Variants in ASMT observed in about 807,000 individuals in gnomAD.
The protein encoded by ASMT is acetylserotonin N-methyltransferase.
A neutral mutation model predicts 41.3 loss-of-function variants in ASMT; 53 were observed. The ratio of observed to expected loss-of-function variants is 1.28; its 90% CI spans 1.03 to 1.61. The LOEUF (loss-of-function observed/expected upper bound fraction) is 1.61. Among genes scored for constraint, ASMT ranks in the 40% most tolerant of loss-of-function variants. The pLI is 0.00. For synonymous variants in ASMT, 231 were observed against 184.8 expected (o/e 1.25, Z -2.03); for missense variants, 531 against 441.3 (o/e 1.20, Z -1.82).
chrX:1,643,029 C>G lies in ASMT; in HGVS notation c.*15C>G. 6.2e-7 allele frequency: 1 copy of G among 1,612,504 alleles called. No individual in the cohort carries two copies. Among genetic ancestry groups the G allele is most frequent in the Non-Finnish European group, 8.5e-7 (1 of 1,178,566 alleles). On this transcript the variant is annotated 3_prime_UTR_variant, in exon 9 of 9. Transcript: ENST00000381241. The stretch of plus-strand genomic sequence containing the variant: ...CCAGGAAATAACTGTTTCTTGTGAC[C>G]TGGAACTAACGTCAAAGCACACAAG...
At chrX:1,642,188 G>C (rs1188114975) in intron 8 of ASMT, among the ~76,000 whole-genome samples, 1 of 144,958 alleles carries the variant, frequency 6.9e-6, no homozygotes, top group Non-Finnish European at 1.5e-5. Flanking sequence ...CTCTCTGTGT[G>C]TGATAAGGAC....
intron 1 of ASMT, among the ~76,000 whole-genome samples, chrX:1,615,543 C>T (rs1416719963): frequency 6.6e-6 from 1 of 152,088 alleles, no homozygotes; most frequent in Non-Finnish European, 1.5e-5. Context: ...TGGCTCACAC[C>T]TGTGATCCCA....
At position 1,621,569 on chromosome X, in the gene ASMT, C is replaced by T. The variant is rs147561633; in HGVS notation, c.70-1570C>T. Among the ~76,000 whole-genome samples the T allele has an allele frequency of 7.9e-3, 1,204 of 152,252 alleles. 21 individuals carry two copies. The highest frequency in any genetic ancestry group is 0.027 in the African/African-American group (1,126 of 41,550). On this transcript the variant is annotated intron_variant, in intron 1 of 8. Coordinates refer to ENST00000381241, the MANE Select transcript of ASMT (RefSeq NM_001171038.2). ...CTGACCTCAGGTGATCCGCCCACCT[C>T]GGCCTCCCAGAATGTTGGGATTACA... is the stretch of plus-strand genomic sequence containing the variant.
At chrX:1,627,649 GAAATGA>G in intron 3 of ASMT, 48 bp from the exon 4 acceptor site, 3 of 1,235,738 alleles carry the variant, frequency 2.4e-6, no homozygotes, top group Non-Finnish European at 3.4e-6. Flanking sequence ...GAAATGAAAT[GAAATGA>G]AATGAAATGA....
At chrX:1,616,509 G>A (rs1374190479) in intron 1 of ASMT, among the ~76,000 whole-genome samples, 1 of 151,206 alleles carries the variant, frequency 6.6e-6, no homozygotes, top group Non-Finnish European at 1.5e-5. Flanking sequence ...AAATGTTCTG[G>A]AACCCGGCGG....
chrX:1,624,200 TG>T, intron 2 of ASMT, 68 bp from the exon 3 acceptor site: 1 of 1,597,878 alleles, frequency 6.3e-7, no homozygotes, highest in Non-Finnish European at 8.6e-7. Context: ...GTTGTCGAGC[TG>T]GGGAGCGTCC....
intron 5 of ASMT, among the ~76,000 whole-genome samples, chrX:1,631,686 G>A (rs1175550240): frequency 3.3e-4 from 50 of 152,164 alleles, no homozygotes; most frequent in African/African-American, 1.1e-3. Flanking sequence ...AGGCCGAGGC[G>A]GGTGGATCTC....
intron 8 of ASMT, among the ~76,000 whole-genome samples, chrX:1,641,448 G>C (rs1359824422): frequency 7.0e-6 from 1 of 143,566 alleles, no homozygotes; most frequent in African/African-American, 2.5e-5. Context: ...TGTGTGTGAT[G>C]GGGACAGTGT....
intron 5 of ASMT, among the ~76,000 whole-genome samples, chrX:1,631,591 C>T (rs1225283608): frequency 1.3e-5 from 2 of 152,076 alleles, no homozygotes; most frequent in Non-Finnish European, 2.9e-5. Context: ...TCAGGATCCC[C>T]CTGCCTGGGG....
intron 8 of ASMT, chrX:1,636,762 A>C: frequency 6.3e-6 from 2 of 315,034 alleles, no homozygotes; most frequent in Non-Finnish European, 9.2e-6. Flanking sequence ...AAAGATGGAA[A>C]AAGTGAAAGG....
intron 4 of ASMT, 97 bp downstream of exon 4, chrX:1,627,868 C>T: frequency 8.7e-7 from 1 of 1,152,804 alleles, no homozygotes; most frequent in Non-Finnish European, 1.3e-6. Flanking sequence ...ATGGCACAAC[C>T]CAGGAGGAAG....
chrX:1,640,400 G>A (rs1312724210), intron 8 of ASMT, among the ~76,000 whole-genome samples: 2 of 13,846 alleles, frequency 1.4e-4, no homozygotes, highest in Non-Finnish European at 2.0e-4. Context: ...CCAGTGTCCT[G>A]TGAGATCCAT....
intron 1 of ASMT, among the ~76,000 whole-genome samples, chrX:1,620,017 C>G (rs1243993345): frequency 6.6e-6 from 1 of 150,830 alleles, no homozygotes; most frequent in Non-Finnish European, 1.5e-5. Flanking sequence ...CCCTTGAACC[C>G]GGGAGGCGGA....
chrX:1,633,344 G>T (rs1442282309), intron 7 of ASMT, 54 bp downstream of exon 7: 22 of 1,610,142 alleles, frequency 1.4e-5, no homozygotes, highest in Non-Finnish European at 1.7e-5. Flanking sequence ...TCTCCAGGGG[G>T]ACTGGATGTT....
intron 1 of ASMT, among the ~76,000 whole-genome samples, chrX:1,620,646 A>T (rs1934304472): frequency 6.6e-6 from 1 of 152,070 alleles, no homozygotes; most frequent in East Asian, 1.9e-4. Flanking sequence ...AAGAAAAACA[A>T]CTAATACACT....
In ASMT at chrX:1,632,856, C is replaced by T. The variant is rs1427292184; in HGVS notation, c.646+69C>T. The T allele has an allele frequency of 4.8e-5, 25 of 516,778 alleles. No individual in the cohort carries two copies. In the East Asian group the frequency reaches 8.1e-4, roughly 17 times the overall value. 32.0% of individuals were successfully genotyped at this position (516,778 alleles called of 1,614,324 possible). ...CGTCACACACTGGGGCCTGTCAGGG[C>T]CTGGGGGGCTGGGAGGCTGGGGGAG... On this transcript the variant is annotated intron_variant, in intron 6 of 8. Transcript: ENST00000381241.
Position 1,629,821 on chromosome X carries a change from G to A in ASMT, c.444G>A (p.Arg148=). Residue 148 remains arginine, a splice_region_variant and synonymous_variant, in exon 5 of 9, where the codon AGG becomes AGA. Coordinates refer to ENST00000381241, the MANE Select transcript of ASMT (RefSeq NM_001171038.2). The stretch of plus-strand genomic sequence containing the variant: ...TGACAAGCGTGGTTTTGCATGCCAG[G>A]TCCGAGGGCGAGCGGCTACAGTTCA... ...PAEELFTAIY[R]SEGERLQFMQ... 6.2e-7 allele frequency: 1 copy of A among 1,613,914 alleles called. No homozygotes were observed. Among genetic ancestry groups the A allele is most frequent in the Non-Finnish European group, 8.5e-7 (1 of 1,179,852 alleles).
At chrX:1,628,020 TG>T (rs1340737851) in intron 4 of ASMT, 1 of 590,728 alleles carries the variant, frequency 1.7e-6, no homozygotes, top group East Asian at 2.9e-5. Flanking sequence ...TCAGTGTTTA[TG>T]TAGAAAATGG....
At position 1,642,610 on chromosome X, in the gene ASMT, C is replaced by T. The variant is rs185209624; in HGVS notation, c.911-193C>T. ...ACAGCCTCTATGTGTGTGATGGGGA[C>T]AGTGTCCCAGCGTCCTGTGAGGTTC... On this transcript the variant is annotated intron_variant, in intron 8 of 8. Coordinates refer to ENST00000381241, the MANE Select transcript of ASMT (RefSeq NM_001171038.2). 3.7e-3 allele frequency among the ~76,000 whole-genome samples: 561 copies of T among 151,846 alleles called. 2 individuals are homozygous for T. Among genetic ancestry groups the T allele is most frequent in the African/African-American group, 0.013 (542 of 41,370 alleles).
Sources: gnomAD v4.1 joint callset for allele counts (sites outside exome capture counted in the v4.1 genomes callset) on GRCh38, gnomAD v4.1.1 for gene constraint, MANE v1.5 for transcripts, NCBI Gene and HGNC (gene_info 2026-07-23, HGNC 2026-07-21) for gene names.